The following NANS variants were observed in gnomAD, a reference collection of about 807,000 sequenced individuals.
NANS encodes N-acetylneuraminate synthase, also known as N-acetylneuraminate-9-phosphate synthase.
Under a neutral mutation model 33.3 loss-of-function variants are expected in NANS, and 29 were observed. That is an observed-to-expected ratio of 0.87 (90% confidence interval 0.65 to 1.19). The LOEUF is 1.19. NANS is among the 50% of genes most tolerant of loss of function. The pLI is 0.00. For synonymous variants in NANS, 163 were observed against 177.2 expected (o/e 0.92, Z 0.64); for missense variants, 394 against 461.1 (o/e 0.85, Z 1.33).
At chr9:98,068,343 T>C (rs1328908798) in intron 2 of NANS, among the ~76,000 whole-genome samples, 1 of 152,066 alleles carries the variant, frequency 6.6e-6, no homozygotes, top group East Asian at 1.9e-4. Context: ...TTTCACCTTG[T>C]TGGTCAGGCT....
chr9:98,075,294 G>T (rs745614172), intron 2 of NANS: 1 of 149,688 alleles, frequency 6.7e-6, no homozygotes, highest in Non-Finnish European at 1.5e-5. Context: ...TACCACAAAA[G>T]AAAAGAAAAA....
intron 2 of NANS, among the ~76,000 whole-genome samples, chr9:98,067,730 T>A (rs1287989946): frequency 6.6e-6 from 1 of 152,178 alleles, no homozygotes; most frequent in East Asian, 1.9e-4. Context: ...ACTTTCTTTT[T>A]TTTTTGTGAG....
Position 98,056,766 on chromosome 9 carries a change from G to C in NANS, c.-43G>C, listed in dbSNP as rs774127195. 1.9e-6 allele frequency: 3 copies of C among 1,598,338 alleles called. No homozygotes were observed. Among genetic ancestry groups the C allele is most frequent in the Non-Finnish European group, 2.6e-6 (3 of 1,175,544 alleles). On this transcript the variant is annotated 5_prime_UTR_variant, in exon 1 of 6. Coordinates refer to ENST00000210444, the MANE Select transcript of NANS (RefSeq NM_018946.4). ...AGTAGAGGCGGCGGCGGCGGCGGCCGGACCCAGACTGGTAGTGAGGCTTTG... is the reference window on the plus strand; with the variant it reads ...AGTAGAGGCGGCGGCGGCGGCGGCCCGACCCAGACTGGTAGTGAGGCTTTG...
At chr9:98,057,922 GTTTTTTTTTTT>G (rs35104052) in intron 1 of NANS, among the ~76,000 whole-genome samples, 2 of 78,086 alleles carry the variant, frequency 2.6e-5, no homozygotes, top group African/African-American at 1.1e-4. Flanking sequence ...TTTTTTCCTG[GTTTTTTTTTTT>G]TTTTTTTTTG....
At chr9:98,061,678 G>A (rs1287497937) in intron 2 of NANS, among the ~76,000 whole-genome samples, 1 of 150,910 alleles carries the variant, frequency 6.6e-6, no homozygotes, top group Non-Finnish European at 1.5e-5. Context: ...TACTTGGGAG[G>A]CTGAGGCAGG....
intron 2 of NANS, among the ~76,000 whole-genome samples, chr9:98,070,142 CAG>C (rs1398968078): frequency 5.3e-5 from 8 of 152,060 alleles, no homozygotes; most frequent in African/African-American, 1.7e-4. Flanking sequence ...TTTTTTGAGA[CAG>C]AGTCTTGCTG....
intron 1 of NANS, 25 bp downstream of exon 1, chr9:98,056,965 G>A: frequency 6.4e-7 from 1 of 1,554,106 alleles, no homozygotes; most frequent in African/African-American, 1.4e-5. Flanking sequence ...CCCGGGACCC[G>A]GGATTCGGGC....
intron 2 of NANS, among the ~76,000 whole-genome samples, chr9:98,072,750 C>T (rs1429419356): frequency 3.9e-5 from 6 of 152,122 alleles, no homozygotes; most frequent in African/African-American, 1.4e-4. Context: ...AGTTAATTTA[C>T]CTTGCCCTCT....
Position 98,083,075 on chromosome 9 carries a change from G to A in NANS, c.*20G>A. 1 of 1,610,052 alleles carries A rather than the reference G, an allele frequency of 6.2e-7. No homozygotes were observed. The highest frequency in any genetic ancestry group is 2.2e-5 in the East Asian group (1 of 44,840). The stretch of plus-strand genomic sequence containing the variant: ...TCTTAAAAATAAAGTGCCATTCTCT[G>A]AATTCTCAGTTCCCTTGCTGATGCT... On this transcript the variant is annotated 3_prime_UTR_variant, in exon 6 of 6. Coordinates refer to ENST00000210444, the MANE Select transcript of NANS (RefSeq NM_018946.4).
At position 98,056,827 on chromosome 9, in the gene NANS, C is replaced by G; in HGVS notation, c.19C>G (p.Leu7Val). The change falls in exon 1 of 6, where the codon CTG becomes GTG. Residue 7 changes from leucine (L) to valine (V), a missense_variant. Physicochemically the swap from Leu to Val is conservative, Grantham distance 32 (BLOSUM62 1). Coordinates refer to ENST00000210444, the MANE Select transcript of NANS (RefSeq NM_018946.4). ...CGCTGCAATGCCGCTGGAGCTGGAG[C>G]TGTGTCCCGGGCGCTGGGTGGGCGG... MPLELE[L>V]CPGRWVGGQH... The G allele has an allele frequency of 6.2e-7, 1 of 1,609,076 alleles. No individual in the cohort carries two copies. The highest frequency in any genetic ancestry group is 8.5e-7 in the Non-Finnish European group (1 of 1,177,946).
intron 4 of NANS, 77 bp from the exon 5 acceptor site, chr9:98,080,739 A>G (rs1829814910): frequency 6.7e-7 from 1 of 1,490,636 alleles, no homozygotes; most frequent in African/African-American, 1.4e-5. Flanking sequence ...CCGGGGCTCA[A>G]CCAGATACGC....
intron 2 of NANS, among the ~76,000 whole-genome samples, chr9:98,063,205 G>A (rs753442715): frequency 3.3e-5 from 5 of 151,372 alleles, no homozygotes; most frequent in Non-Finnish European, 7.4e-5. Context: ...TGGGGATTAC[G>A]GGTGTGAGCC....
At chr9:98,057,221 C>T (rs1828853214) in intron 1 of NANS, among the ~76,000 whole-genome samples, 1 of 152,238 alleles carries the variant, frequency 6.6e-6, no homozygotes, top group Non-Finnish European at 1.5e-5. Context: ...ATCAGACCAT[C>T]CCCCCTGCCT....
In NANS at chr9:98,061,077, G is replaced by A. The variant is rs552641608; in HGVS notation, c.348+80G>A. The A allele has an allele frequency of 1.6e-4, 213 of 1,344,544 alleles. 2 individuals are homozygous for A. In the African/African-American group the frequency reaches 2.7e-3, roughly 17 times the overall value. The allele number at this position is 1,344,544 out of a possible 1,614,324, so 83.3% of individuals were successfully genotyped here. On this transcript the variant is annotated intron_variant, in intron 2 of 5. Transcript: ENST00000210444. ...GCAGCCTGGTGACTTCCGGCTTAGG[G>A]CCACCTCCAGCCCTTGCTCATCCTT...
rs767597953 is a variant in NANS, at chr9:98,056,854, C to T, written c.46C>T (p.Gln16Ter). The T allele has an allele frequency of 1.9e-6, 3 of 1,612,074 alleles. No individual in the cohort carries two copies. The highest frequency in any genetic ancestry group is 2.2e-5 in the South Asian group (2 of 90,970). ...GTGTCCCGGGCGCTGGGTGGGCGGG[C>T]AACACCCGTGCTTCATCATTGCCGA... is the stretch of plus-strand genomic sequence containing the variant. Reference protein sequence around the residue: ...ELCPGRWVGGQHPCFIIAEIG... With the variant: ...ELCPGRWVGG Residue 16 changes from glutamine to a stop codon, truncating the protein, a stop_gained, in exon 1 of 6, where the codon CAA becomes TAA. Transcript: ENST00000210444. LOFTEE classifies it high-confidence loss of function.
intron 4 of NANS, 28 bp downstream of exon 4, chr9:98,078,375 T>G: frequency 1.9e-6 from 3 of 1,607,388 alleles, no homozygotes; most frequent in Non-Finnish European, 2.6e-6. Flanking sequence ...GGTTCCCTTC[T>G]TGGGCCATTT....
chr9:98,078,299 C>A lies in NANS; in HGVS notation c.555C>A (p.Thr185=). The part of the protein sequence containing the change: ...LNPNFCFLQC[T]SAYPLQPEDV... ...CCAACTTCTGCTTCTTGCAGTGTAC[C>A]AGCGCATACCCGCTCCAGCCTGAGG... Residue 185 remains threonine (T), a synonymous_variant, in exon 4 of 6, where the codon ACC becomes ACA. Coordinates refer to ENST00000210444, the MANE Select transcript of NANS (RefSeq NM_018946.4). The A allele has an allele frequency of 6.2e-7, 1 of 1,614,042 alleles. No homozygotes were observed. The highest frequency in any genetic ancestry group is 8.5e-7 in the Non-Finnish European group (1 of 1,180,014).
intron 3 of NANS, chr9:98,077,937 G>A: frequency 1.9e-6 from 1 of 513,100 alleles, no homozygotes; most frequent in Non-Finnish European, 3.5e-6. Flanking sequence ...TTGGCAGTGT[G>A]AAATTCCTCT....
chr9:98,077,046 G>A (rs371377734), intron 3 of NANS, 29 bp downstream of exon 3: 131 of 1,536,106 alleles, frequency 8.5e-5, no homozygotes, highest in Non-Finnish European at 1.1e-4. Flanking sequence ...ACTTAAAATC[G>A]AAGGGAGTCC....
Sources: gnomAD v4.1 joint callset for allele counts (sites outside exome capture counted in the v4.1 genomes callset) on GRCh38, gnomAD v4.1.1 for gene constraint, MANE v1.5 for transcripts, NCBI Gene and HGNC (gene_info 2026-07-23, HGNC 2026-07-21) for gene names.